FBXW10: variants seen among roughly 807,000 people sequenced by gnomAD.
FBXW10 encodes F-box and WD repeat domain containing 10.
In FBXW10, 68 loss-of-function variants were observed where a neutral mutation model predicts 113.1. The observed-to-expected ratio is 0.60, with a 90% CI of 0.49 to 0.74. The LOEUF (loss-of-function observed/expected upper bound fraction) is 0.74. Among genes scored for constraint, FBXW10 ranks in the 30% least tolerant of loss-of-function variants. The pLI is 0.00. For synonymous variants in FBXW10, 289 were observed against 481.6 expected (o/e 0.60, Z 5.24); for missense variants, 753 against 1,284.5 (o/e 0.59, Z 6.32).
At chr17:18,767,993 CTTTTA>C (rs1044289871) in intron 9 of FBXW10, among the ~76,000 whole-genome samples, 5 of 140,266 alleles carry the variant, frequency 3.6e-5, no homozygotes, top group African/African-American at 7.7e-5. Flanking sequence ...TTCTTTTTTT[CTTTTA>C]TTTTTTCTTT....
At position 18,779,050 on chromosome 17, in the gene FBXW10, C is replaced by T. The variant is rs759030475; in HGVS notation, c.2911C>T (p.Arg971Cys). 4 of 1,456,010 alleles carry T rather than the reference C, an allele frequency of 2.7e-6. 1 individual carries two copies. The highest frequency in any genetic ancestry group is 2.3e-5 in the South Asian group (2 of 88,108). The allele number at this position is 1,456,010 out of a possible 1,614,324, so 90.2% of individuals were successfully genotyped here. A position where few individuals can be genotyped will look rare whatever the true frequency, so the allele number is the denominator to read the frequency against. The change falls in exon 14 of 14, where the codon CGC (arginine) becomes TGC (cysteine). Residue 971 changes from arginine (R) to cysteine (C), a missense_variant. Physicochemically the swap from Arg to Cys is radical, Grantham distance 180. Transcript: ENST00000395665. The part of the protein sequence containing the change: ...ATLSLKKERP[R>C]IYTALDPFRV... ...CCTGTCTCTTAAGAAAGAACGGCCTCGCATCTATACAGCCCTTGATCCTTT... is the reference window on the plus strand; with the variant it reads ...CCTGTCTCTTAAGAAAGAACGGCCTTGCATCTATACAGCCCTTGATCCTTT...
chr17:18,768,602 T>C lies in FBXW10; in HGVS notation c.1773T>C (p.Ser591=), dbSNP rs149882032. ...FFDQWHLLSG[S]TDGLVMAWSM... Reference sequence around the variant, plus strand: ...ACCAGTGGCATCTCCTCTCAGGAAGTACTGATGGCCTGGTCATGGCCTGGA... The same window carrying C: ...ACCAGTGGCATCTCCTCTCAGGAAGCACTGATGGCCTGGTCATGGCCTGGA... The change falls in exon 10 of 14, where the codon AGT becomes AGC. Residue 591 remains serine, a synonymous_variant. Coordinates refer to ENST00000395665, the MANE Select transcript of FBXW10 (RefSeq NM_001267585.2). 192 of 1,613,886 alleles carry C rather than the reference T, an allele frequency of 1.2e-4. No individual in the cohort carries two copies. In the African/African-American group the frequency reaches 2.1e-3, roughly 17 times the overall value.
At chr17:18,760,083 C>T (rs542077035) in intron 7 of FBXW10, among the ~76,000 whole-genome samples, 2 of 152,216 alleles carry the variant, frequency 1.3e-5, no homozygotes, top group South Asian at 4.1e-4. Flanking sequence ...TTTACATTCC[C>T]ATTAGCAGCA....
chr17:18,746,139 G>A (rs1310444276), intron 1 of FBXW10, among the ~76,000 whole-genome samples: 5 of 152,130 alleles, frequency 3.3e-5, no homozygotes, highest in East Asian at 1.9e-4. Context: ...TTAATAGAGC[G>A]AGAACTCACT....
Position 18,744,604 on chromosome 17 carries a change from G to C in FBXW10, c.360G>C (p.Glu120Asp). The change falls in exon 1 of 14, where the codon GAG becomes GAC. Residue 120 changes from glutamate (E) to aspartate (D), a missense_variant. Coordinates refer to ENST00000395665, the MANE Select transcript of FBXW10 (RefSeq NM_001267585.2). The stretch of plus-strand genomic sequence containing the variant: ...AAACAGTAGAACAGAAGATGAAAGA[G>C]ATCTTGTACTGGTTTGCGAACAGCA... ...LDKTVEQKMKEILYWFANSTQ... is the reference protein window; with the variant it reads ...LDKTVEQKMKDILYWFANSTQ... 4.3e-6 allele frequency: 7 copies of C among 1,613,994 alleles called. No individual in the cohort carries two copies. The highest frequency in any genetic ancestry group is 5.9e-6 in the Non-Finnish European group (7 of 1,179,882).
At chr17:18,772,056 G>A (rs568227517) in intron 11 of FBXW10, among the ~76,000 whole-genome samples, 3 of 152,258 alleles carry the variant, frequency 2.0e-5, no homozygotes, top group Non-Finnish European at 4.4e-5. Flanking sequence ...GCAGTGAGCT[G>A]AGATCATGCC....
chr17:18,747,430 C>T (rs1023087680), intron 1 of FBXW10, among the ~76,000 whole-genome samples: 5 of 152,202 alleles, frequency 3.3e-5, no homozygotes, highest in Non-Finnish European at 5.9e-5. Context: ...GTGTCATGCA[C>T]TTGTAATCCC....
rs138625739 is a variant in FBXW10, at chr17:18,766,815, C to A, written c.1657C>A (p.Arg553=). 8 of 1,611,670 alleles carry A rather than the reference C, an allele frequency of 5.0e-6. No individual in the cohort carries two copies. The highest frequency in any genetic ancestry group is 1.1e-5 in the South Asian group (1 of 91,032). Residue 553 remains arginine, a synonymous_variant, in exon 9 of 14, where the codon CGA becomes AGA. Transcript: ENST00000395665. The stretch of plus-strand genomic sequence containing the variant: ...TACCTACATTGTGAGCAGCTGTGAG[C>A]GAGGGCTGGTGAAAGTGTGGCACAT... ...NDTYIVSSCE[R]GLVKVWHIAM... is the part of the protein sequence containing the mutation.
intron 7 of FBXW10, among the ~76,000 whole-genome samples, chr17:18,761,376 C>T (rs946782496): frequency 3.3e-5 from 5 of 152,000 alleles, no homozygotes; most frequent in African/African-American, 1.2e-4. Context: ...TGCCATTCTC[C>T]TGCCTCAGCC....
intron 6 of FBXW10, among the ~76,000 whole-genome samples, chr17:18,757,121 T>C (rs1450457451): frequency 6.6e-6 from 1 of 152,150 alleles, no homozygotes; most frequent in Non-Finnish European, 1.5e-5. Flanking sequence ...TATATATACA[T>C]AAAAATATAT....
At chr17:18,772,356 A>G in intron 11 of FBXW10, 56 bp from the exon 12 acceptor site, 1 of 1,546,698 alleles carries the variant, frequency 6.5e-7, no homozygotes, top group East Asian at 2.2e-5. Context: ...ACTGCAGTGC[A>G]TCTTTCGGTG....
In FBXW10 at chr17:18,771,935, C is replaced by G. The variant is rs536478838; in HGVS notation, c.2007-477C>G. ...CCAGCCTGGGCAACATGGCGAAACC[C>G]TGTCGCTACTAAAAACACAAAATGA... On this transcript the variant is annotated intron_variant, in intron 11 of 13. Transcript: ENST00000395665. Among the ~76,000 whole-genome samples, 740 of 152,156 alleles carry G rather than the reference C, an allele frequency of 4.9e-3. 5 individuals are homozygous for G. The highest frequency in any genetic ancestry group is 0.017 in the African/African-American group (700 of 41,502).
At chr17:18,774,338 C>T (rs1022894919) in intron 12 of FBXW10, among the ~76,000 whole-genome samples, 4 of 152,188 alleles carry the variant, frequency 2.6e-5, no homozygotes, top group Non-Finnish European at 4.4e-5. Context: ...CTGTCACATA[C>T]GTCAGTTTAG....
chr17:18,748,408 CAAAAAAAAAAAAAAA>C (rs57336039), intron 2 of FBXW10, among the ~76,000 whole-genome samples: 1 of 51,428 alleles, frequency 1.9e-5, no homozygotes, highest in Non-Finnish European at 3.9e-5. Flanking sequence ...GAGACTGTCT[CAAAAAAAAAAAAAAA>C]AAAAAAAAAG....
chr17:18,764,612 G>A, intron 7 of FBXW10, 130 bp from the exon 8 acceptor site: 1 of 1,440,360 alleles, frequency 6.9e-7, no homozygotes. Flanking sequence ...TCAAATCCAG[G>A]CCCCTGACTC....
intron 7 of FBXW10, 90 bp downstream of exon 7, chr17:18,758,595 T>C: frequency 7.1e-7 from 1 of 1,403,426 alleles, no homozygotes; most frequent in East Asian, 2.8e-5. Flanking sequence ...TCTTTTTATA[T>C]TTAACAGTTT....
chr17:18,775,517 A>C (rs577239851), intron 13 of FBXW10, among the ~76,000 whole-genome samples: 1 of 152,286 alleles, frequency 6.6e-6, no homozygotes, highest in East Asian at 1.9e-4. Context: ...TTTTTGGCTG[A>C]CTGCCTGCCT....
In FBXW10 at chr17:18,769,982, G is replaced by A. The variant is rs772596321; in HGVS notation, c.1903G>A (p.Gly635Ser). 4 of 1,614,176 alleles carry A rather than the reference G, an allele frequency of 2.5e-6. No individual in the cohort carries two copies. In the South Asian group the frequency reaches 3.3e-5, roughly 13 times the overall value. Residue 635 changes from glycine to serine, a missense_variant, in exon 11 of 14, where the codon GGC becomes AGC. Coordinates refer to ENST00000395665, the MANE Select transcript of FBXW10 (RefSeq NM_001267585.2). The part of the protein sequence containing the change: ...FLRVISACAD[G>S]KIRIYNFLNG... ...CCGGGTCATCAGCGCCTGTGCAGATGGCAAGATCCGAATTTACAATTTCCT... is the reference window on the plus strand; with the variant it reads ...CCGGGTCATCAGCGCCTGTGCAGATAGCAAGATCCGAATTTACAATTTCCT...
At chr17:18,748,285 T>C (rs1045013154) in intron 2 of FBXW10, among the ~76,000 whole-genome samples, 180 bp downstream of exon 2, 4 of 151,588 alleles carry the variant, frequency 2.6e-5, no homozygotes, top group Non-Finnish European at 5.9e-5. Context: ...CCAGGCGCAG[T>C]GGCAGGCACC....
Sources: gnomAD v4.1 joint callset for allele counts (sites outside exome capture counted in the v4.1 genomes callset) on GRCh38, gnomAD v4.1.1 for gene constraint, MANE v1.5 for transcripts, NCBI Gene and HGNC (gene_info 2026-07-23, HGNC 2026-07-21) for gene names.